The following PPP2R3A variants were observed in gnomAD, a reference collection of about 807,000 sequenced individuals.
PPP2R3A encodes the protein serine/threonine-protein phosphatase 2A regulatory subunit B'' subunit alpha.
In PPP2R3A, 80 loss-of-function variants were observed where a neutral mutation model predicts 106.9. The ratio of observed to expected loss-of-function variants is 0.75; its 90% CI spans 0.62 to 0.90. The LOEUF is 0.90. PPP2R3A is among the 40% of genes least tolerant of loss of function. The probability of loss-of-function intolerance (pLI) is 0.00; values close to 1 mark genes in which losing one functional copy is unlikely to be tolerated. For missense variants in PPP2R3A, 1,386 were observed against 1,350.4 expected, an observed-to-expected ratio of 1.03 and a Z score of -0.41; for synonymous variants, 483 against 468.3, an observed-to-expected ratio of 1.03 and a Z score of -0.41.
At chr3:136,043,754 C>T (rs1013645112) in intron 4 of PPP2R3A, among the ~76,000 whole-genome samples, 8 of 152,108 alleles carry the variant, frequency 5.3e-5, no homozygotes, top group Non-Finnish European at 1.0e-4. Context: ...TTTCTTTTAC[C>T]TTTTCATATC....
chr3:136,130,762 C>T (rs1234855929), intron 13 of PPP2R3A, among the ~76,000 whole-genome samples: 1 of 152,188 alleles, frequency 6.6e-6, no homozygotes, highest in African/African-American at 2.4e-5. Context: ...TCAAACTATA[C>T]TACAAGGCTT....
intron 13 of PPP2R3A, among the ~76,000 whole-genome samples, chr3:136,122,371 G>A (rs191875781): frequency 7.2e-4 from 109 of 152,256 alleles, no homozygotes; most frequent in African/African-American, 2.6e-3. Flanking sequence ...CCATATATGT[G>A]AAGGATTGAT....
chr3:136,102,048 G>A lies in PPP2R3A; in HGVS notation c.2969G>A (p.Gly990Asp). ...CGCTGCATGGATGTGGATGGAGACG[G>A]TGTACTCTCCATGTATGAGCTGGAG... ...WFRCMDVDGD[G>D]VLSMYELEYF... Residue 990 changes from glycine to aspartate, a missense_variant, in exon 11 of 14, where the codon GGT becomes GAT. Coordinates refer to ENST00000264977, the MANE Select transcript of PPP2R3A (RefSeq NM_002718.5). The A allele has an allele frequency of 6.2e-7, 1 of 1,613,970 alleles. No individual in the cohort carries two copies. The highest frequency in any genetic ancestry group is 8.5e-7 in the Non-Finnish European group (1 of 1,179,898).
At position 136,070,458 on chromosome 3, in the gene PPP2R3A, T is replaced by G; in HGVS notation, c.2470-20T>G. ...TTTTTGTATGTTTGTTAATTTAGTTTTGGTTTTGATCTTTTTCAGGATGTG... is the reference window on the plus strand; with the variant it reads ...TTTTTGTATGTTTGTTAATTTAGTTGTGGTTTTGATCTTTTTCAGGATGTG... On this transcript the variant is annotated intron_variant, in intron 5 of 13. Coordinates refer to ENST00000264977, the MANE Select transcript of PPP2R3A (RefSeq NM_002718.5). The G allele has an allele frequency of 1.3e-6, 2 of 1,578,310 alleles. No individual in the cohort carries two copies. Among genetic ancestry groups the G allele is most frequent in the Admixed American group, 3.9e-5 (2 of 51,568 alleles).
intron 5 of PPP2R3A, among the ~76,000 whole-genome samples, chr3:136,058,114 A>G (rs905216425): frequency 3.9e-5 from 6 of 152,200 alleles, no homozygotes; most frequent in African/African-American, 9.6e-5. Context: ...CCTCGAAATC[A>G]TAAGAGCCAT....
intron 5 of PPP2R3A, among the ~76,000 whole-genome samples, chr3:136,066,482 G>A (rs1936265140): frequency 6.6e-6 from 1 of 152,150 alleles, no homozygotes; most frequent in Admixed American, 6.5e-5. Flanking sequence ...AGCTGTTCTT[G>A]CATTGCTGTA....
At chr3:136,044,253 G>C (rs890357361) in intron 4 of PPP2R3A, among the ~76,000 whole-genome samples, 61 of 152,292 alleles carry the variant, frequency 4.0e-4, no homozygotes, top group African/African-American at 1.4e-3. Flanking sequence ...GCTCTAATAA[G>C]CACAAATGAA....
intron 10 of PPP2R3A, among the ~76,000 whole-genome samples, chr3:136,093,448 T>C (rs1301451676): frequency 1.3e-5 from 2 of 152,168 alleles, no homozygotes; most frequent in African/African-American, 4.8e-5. Context: ...CATCAAAAGA[T>C]ATGATCAAGA....
intron 12 of PPP2R3A, among the ~76,000 whole-genome samples, chr3:136,103,985 A>G (rs1361379751): frequency 2.0e-5 from 3 of 152,162 alleles, no homozygotes; most frequent in Non-Finnish European, 2.9e-5. Flanking sequence ...AATAAAAACA[A>G]TGTCACCCCT....
chr3:136,026,802 T>C lies in PPP2R3A; in HGVS notation c.1996-30T>C, dbSNP rs752687496. On this transcript the variant is annotated intron_variant, in intron 2 of 13. Transcript: ENST00000264977. ...AGTAAATGAATACTGTTTAAATTTTTTGTGTCTCATAATCTTATTTTTCTT... is the reference window on the plus strand; with the variant it reads ...AGTAAATGAATACTGTTTAAATTTTCTGTGTCTCATAATCTTATTTTTCTT... 6 of 1,553,776 alleles carry C rather than the reference T, an allele frequency of 3.9e-6. No homozygotes were observed. The African/African-American group carries it at 6.9e-5, about 18-fold the overall frequency.
intron 13 of PPP2R3A, among the ~76,000 whole-genome samples, chr3:136,140,539 G>A (rs931376833): frequency 1.7e-4 from 26 of 151,610 alleles, no homozygotes; most frequent in African/African-American, 5.6e-4. Flanking sequence ...ACCTGAGGTC[G>A]GGAGTTTGAG....
chr3:136,095,745 C>T (rs1057199129), intron 10 of PPP2R3A, among the ~76,000 whole-genome samples: 5 of 152,070 alleles, frequency 3.3e-5, no homozygotes, highest in African/African-American at 1.2e-4. Context: ...CCCATTGATA[C>T]TTGTTTCCTT....
chr3:136,070,200 G>A (rs1936382359), intron 5 of PPP2R3A, among the ~76,000 whole-genome samples: 1 of 152,122 alleles, frequency 6.6e-6, no homozygotes, highest in Non-Finnish European at 1.5e-5. Context: ...TGATGTGTTA[G>A]AATTACAGTA....
chr3:136,128,588 C>A (rs543654950), intron 13 of PPP2R3A, among the ~76,000 whole-genome samples: 24 of 152,314 alleles, frequency 1.6e-4, no homozygotes, highest in African/African-American at 4.8e-4. Flanking sequence ...TAACACCCCA[C>A]TGTCAATATT....
At chr3:136,013,687 C>T (rs1377254995) in intron 2 of PPP2R3A, among the ~76,000 whole-genome samples, 3 of 152,070 alleles carry the variant, frequency 2.0e-5, no homozygotes, top group Non-Finnish European at 4.4e-5. Context: ...CCTTAGCCCA[C>T]TTTCTGATGG....
At chr3:136,051,910 T>C (rs1576464109) in intron 5 of PPP2R3A, among the ~76,000 whole-genome samples, 1 of 152,338 alleles carries the variant, frequency 6.6e-6, no homozygotes. Context: ...TGGTTCTGAT[T>C]TTATTTTATG....
chr3:136,133,903 A>C (rs943663980), intron 13 of PPP2R3A, among the ~76,000 whole-genome samples: 3 of 150,920 alleles, frequency 2.0e-5, no homozygotes, highest in Non-Finnish European at 4.4e-5. Flanking sequence ...AAAAAAAAAA[A>C]AAAAAGAAAT....
intron 1 of PPP2R3A, among the ~76,000 whole-genome samples, chr3:135,993,046 G>A (rs1933240676): frequency 6.6e-6 from 1 of 152,130 alleles, no homozygotes. Flanking sequence ...TCTTAAGGTA[G>A]TATATATAAA....
Position 136,027,100 on chromosome 3 carries a change from T to C in PPP2R3A, c.2262+2T>C. 1 of 1,609,278 alleles carries C rather than the reference T, an allele frequency of 6.2e-7. No homozygotes were observed. Among genetic ancestry groups the C allele is most frequent in the South Asian group, 1.1e-5 (1 of 90,466 alleles). ...TATGAAATGGGGAAAATTGCAAAGG[T>C]AATGTAACTACTAAATGATTTACAA... is the stretch of plus-strand genomic sequence containing the variant. On this transcript the variant is annotated splice_donor_variant, in intron 3 of 13. Transcript: ENST00000264977. LOFTEE classifies it high-confidence loss of function.
Sources: gnomAD v4.1 joint callset for allele counts (sites outside exome capture counted in the v4.1 genomes callset) on GRCh38, gnomAD v4.1.1 for gene constraint, MANE v1.5 for transcripts, NCBI Gene and HGNC (gene_info 2026-07-23, HGNC 2026-07-21) for gene names.